FKBP15: variants seen among roughly 807,000 people sequenced by gnomAD.
FKBP15 encodes the protein FKBP prolyl isomerase family member 15.
FKBP15 carries 106 observed loss-of-function variants against 158.1 expected under a neutral mutation model. The ratio of observed to expected loss-of-function variants is 0.67; its 90% CI spans 0.57 to 0.79. The LOEUF (loss-of-function observed/expected upper bound fraction) is 0.79. Ranked by LOEUF, FKBP15 falls within the 30% of genes least tolerant of loss-of-function variation. FKBP15 has a pLI of 0.00. For missense variants in FKBP15, 1,287 were observed against 1,479.1 expected (o/e 0.87, Z 2.13); for synonymous variants, 547 against 548.6 (o/e 1.00, Z 0.04).
chr9:113,217,596 C>T (rs1258323900), intron 1 of FKBP15, among the ~76,000 whole-genome samples: 1 of 152,194 alleles, frequency 6.6e-6, no homozygotes, highest in African/African-American at 2.4e-5. Context: ...TGGTGGCTCA[C>T]TCTCAGAGGC....
intron 1 of FKBP15, among the ~76,000 whole-genome samples, chr9:113,216,334 T>C (rs1831134384): frequency 6.6e-6 from 1 of 152,202 alleles, no homozygotes; most frequent in African/African-American, 2.4e-5. Flanking sequence ...TGCACTAGCA[T>C]TTTACAAAAT....
At chr9:113,176,802 G>T in intron 20 of FKBP15, 129 bp from the exon 21 acceptor site, 1 of 994,926 alleles carries the variant, frequency 1.0e-6, no homozygotes, top group Non-Finnish European at 1.4e-6. Context: ...AGGCTGGAGT[G>T]CAGTGGTGTG....
At position 113,221,272 on chromosome 9, in the gene FKBP15, G is replaced by T. The variant is rs752196417; in HGVS notation, c.-29C>A. On this transcript the variant is annotated 5_prime_UTR_variant, in exon 1 of 28. Transcript: ENST00000238256. ...GTTGGCTTTCACCGGGTTGCGGGGA[G>T]GAAGCTGGGTATTCCCAGAGTCCCA... 1 of 1,589,224 alleles carries T rather than the reference G, an allele frequency of 6.3e-7. No individual in the cohort carries two copies.
rs1459698394 is a variant in FKBP15 at position 113,169,721 on chromosome 9, A to AGGAG, written c.2984_2987dup (p.Gln997SerfsTer20). The AGGAG allele has an allele frequency of 6.2e-7, 1 of 1,613,642 alleles. No individual in the cohort carries two copies. Among genetic ancestry groups the AGGAG allele is most frequent in the Non-Finnish European group, 8.5e-7 (1 of 1,179,762 alleles). ...CATCCTGGGAAGTGGTGAGGGCCTGAGGAGGCAACGGGACAGCTTCCTCGA... is the reference window on the plus strand; with the variant it reads ...CATCCTGGGAAGTGGTGAGGGCCTGAGGAGGGAGGCAACGGGACAGCTTCCTCGA... On this transcript the variant is annotated frameshift_variant, in exon 26 of 28. Transcript: ENST00000238256. LOFTEE classifies it high-confidence loss of function.
rs1230590378 is a variant in FKBP15, at chr9:113,184,431, G to A, written c.1609-32C>T. On this transcript the variant is annotated intron_variant, in intron 16 of 27. Transcript: ENST00000238256. This position sits in a 1 kb window ranked among gnomAD's most constrained non-coding sequence, Gnocchi z 4.5. ...AAGGGATACCAGAAAGACCTTGTGAGAAATTATAAAATGAAGAAATACAAT... is the reference window on the plus strand; with the variant it reads ...AAGGGATACCAGAAAGACCTTGTGAAAAATTATAAAATGAAGAAATACAAT... 1 of 1,482,422 alleles carries A rather than the reference G, an allele frequency of 6.7e-7. No individual in the cohort carries two copies. The highest frequency in any genetic ancestry group is 9.3e-7 in the Non-Finnish European group (1 of 1,077,196). 91.8% of individuals were successfully genotyped at this position (1,482,422 alleles called of 1,614,324 possible).
Position 113,175,042 on chromosome 9 carries a change from G to A in FKBP15, c.2224-459C>T, listed in dbSNP as rs1179535863. ...CCCGCCACTGCACTCCATCCTGGGCGACAGAGCGAGACTCCGCCTCAGAAA... is the reference window on the plus strand; with the variant it reads ...CCCGCCACTGCACTCCATCCTGGGCAACAGAGCGAGACTCCGCCTCAGAAA... On this transcript the variant is annotated intron_variant, in intron 21 of 27. Coordinates refer to ENST00000238256, the MANE Select transcript of FKBP15 (RefSeq NM_015258.2). 3.2e-4 allele frequency among the ~76,000 whole-genome samples: 38 copies of A among 117,388 alleles called. 16 individuals carry two copies. Among genetic ancestry groups the A allele is most frequent in the African/African-American group, 1.1e-3 (34 of 30,388 alleles). 77.0% of individuals were successfully genotyped at this position (117,388 alleles called of 152,430 possible). A position where few individuals can be genotyped will look rare whatever the true frequency, so the allele number is the denominator to read the frequency against.
At chr9:113,213,132 G>A (rs746350034) in intron 1 of FKBP15, among the ~76,000 whole-genome samples, 4 of 152,116 alleles carry the variant, frequency 2.6e-5, no homozygotes, top group Non-Finnish European at 5.9e-5. Context: ...AGGTCGGCTG[G>A]GCACAGTGGC....
intron 4 of FKBP15, chr9:113,206,243 CA>C (rs5900042): frequency 0.19 from 92,596 of 498,926 alleles, 10,301 homozygotes; most frequent in African/African-American, 0.35. Context: ...GAACAACAAA[CA>C]AACAAAAAAA....
intron 14 of FKBP15, chr9:113,187,287 G>A (rs1250650622): frequency 6.3e-6 from 1 of 159,848 alleles, no homozygotes; most frequent in Non-Finnish European, 1.4e-5. Flanking sequence ...TGAGGCAGAA[G>A]AAAGGGTCTG....
rs187696649 is a variant in FKBP15 at position 113,193,908 on chromosome 9, C to T, written c.1007+119G>A. On this transcript the variant is annotated intron_variant, in intron 10 of 27. Coordinates refer to ENST00000238256, the MANE Select transcript of FKBP15 (RefSeq NM_015258.2). ...CAAGTATCTTCCCCATTTCCCTGAT[C>T]CCATTTTTTCCAGTTATTTAAAATT... 3.0e-5 allele frequency: 36 copies of T among 1,217,018 alleles called. No individual in the cohort carries two copies. The African/African-American group carries it at 4.4e-4, about 15-fold the overall frequency. The allele number at this position is 1,217,018 out of a possible 1,614,324, so 75.4% of individuals were successfully genotyped here.
At chr9:113,183,459 G>C (rs1379739740) in intron 18 of FKBP15, among the ~76,000 whole-genome samples, 2 of 152,070 alleles carry the variant, frequency 1.3e-5, no homozygotes, top group Non-Finnish European at 2.9e-5. Context: ...AATAATACCA[G>C]TTTTAAAGAT....
Position 113,161,439 on chromosome 9 carries a change from C to T in FKBP15, c.*4639G>A. On this transcript the variant is annotated 3_prime_UTR_variant, in exon 28 of 28. Transcript: ENST00000238256. The stretch of plus-strand genomic sequence containing the variant: ...AGGTGGATGGAGTGGATTCCATGAA[C>T]AGGTGGAGGTGCTGGAAGGGAAACA... 9 of 1,384,294 alleles carry T rather than the reference C, an allele frequency of 6.5e-6. No individual in the cohort carries two copies. Among genetic ancestry groups the T allele is most frequent in the South Asian group, 4.8e-5 (4 of 83,650 alleles). 85.8% of individuals were successfully genotyped at this position (1,384,294 alleles called of 1,614,324 possible). A position where few individuals can be genotyped will look rare whatever the true frequency, so the allele number is the denominator to read the frequency against.
chr9:113,220,582 T>G (rs1831230482), intron 1 of FKBP15, among the ~76,000 whole-genome samples: 1 of 152,234 alleles, frequency 6.6e-6, no homozygotes, highest in South Asian at 2.1e-4. Context: ...CACTATGTGC[T>G]AGGTACCATG....
chr9:113,209,951 T>C (rs537876158), intron 2 of FKBP15, among the ~76,000 whole-genome samples: 246 of 152,300 alleles, frequency 1.6e-3, no homozygotes, highest in Middle Eastern at 3.4e-3. Flanking sequence ...ATGAGGTGAC[T>C]TAGAGTGGGG....
At chr9:113,199,704 A>G in intron 7 of FKBP15, 110 bp downstream of exon 7, 1 of 1,201,468 alleles carries the variant, frequency 8.3e-7, no homozygotes, top group Non-Finnish European at 1.1e-6. Flanking sequence ...GGGGATCCTA[A>G]AATATTTCTA....
At chr9:113,167,082 G>A (rs1311076157) in intron 27 of FKBP15, among the ~76,000 whole-genome samples, 2 of 152,174 alleles carry the variant, frequency 1.3e-5, no homozygotes, top group Non-Finnish European at 2.9e-5. Flanking sequence ...CATCAATGAC[G>A]TGATCTCTAA....
In FKBP15 at chr9:113,170,541, G is replaced by C; in HGVS notation, c.2747C>G (p.Thr916Ser). The C allele has an allele frequency of 6.2e-7, 1 of 1,612,930 alleles. No individual in the cohort carries two copies. Among genetic ancestry groups the C allele is most frequent in the South Asian group, 1.1e-5 (1 of 91,062 alleles). ...CTGTACCTTGATCGTATTCATGATG[G>C]TTCCCAGAATGGTCCTGCCATTGTA... ...ESYNGRTILG[T>S]IMNTIKMVTL... Residue 916 changes from threonine to serine, a missense_variant, in exon 25 of 28, where the codon ACC becomes AGC. Thr to Ser is a moderately conservative substitution (Grantham distance 58). Coordinates refer to ENST00000238256, the MANE Select transcript of FKBP15 (RefSeq NM_015258.2).
At position 113,166,045 on chromosome 9, in the gene FKBP15, G is replaced by A; in HGVS notation, c.*33C>T. On this transcript the variant is annotated 3_prime_UTR_variant, in exon 28 of 28. Transcript: ENST00000238256. ...GCAAAATCATGCTTAGGGAAGGGTT[G>A]CAGAGAAACCTTTGCACCAGTTTCC... The A allele has an allele frequency of 6.3e-7, 1 of 1,595,632 alleles. No homozygotes were observed.
Position 113,176,577 on chromosome 9 carries a change from T to G in FKBP15, c.2183A>C (p.Glu728Ala), listed in dbSNP as rs1473443234. 1.9e-6 allele frequency: 3 copies of G among 1,569,076 alleles called. No individual in the cohort carries two copies. ...LELKVTSLEE[E>A]LTDLRVEKES... ...CTTCTCAACTCGAAGGTCAGTCAGT[T>G]CCTCCTCCAGGGATGTCACCTTGAG... Residue 728 changes from glutamate to alanine, a missense_variant, in exon 21 of 28, where the codon GAA (glutamate) becomes GCA (alanine). By Grantham distance (107) the Glu-to-Ala change is moderately radical (BLOSUM62 -1). Coordinates refer to ENST00000238256, the MANE Select transcript of FKBP15 (RefSeq NM_015258.2).
Sources: gnomAD v4.1 joint callset for allele counts (sites outside exome capture counted in the v4.1 genomes callset) on GRCh38, gnomAD v4.1.1 for gene constraint, Gnocchi (gnomAD v3.1) non-coding constraint, MANE v1.5 for transcripts, NCBI Gene and HGNC (gene_info 2026-07-23, HGNC 2026-07-21) for gene names.